C4orf51: variants seen among roughly 807,000 people sequenced by gnomAD.
C4orf51 encodes chromosome 4 open reading frame 51.
Under a neutral mutation model 25.2 loss-of-function variants are expected in C4orf51, and 25 were observed. The ratio of observed to expected loss-of-function variants is 0.99; its 90% confidence interval spans 0.72 to 1.39. C4orf51 has a LOEUF of 1.39. C4orf51 is among the 40% of genes most tolerant of loss of function. The pLI is 0.00. For missense variants in C4orf51, 252 were observed against 239.6 expected (o/e 1.05, Z -0.34); for synonymous variants, 100 against 84.5 (o/e 1.18, Z -1.01).
chr4:145,727,924 A>AT (rs1560851188), intron 3 of C4orf51, among the ~76,000 whole-genome samples: 41 of 93,664 alleles, frequency 4.4e-4, no homozygotes, highest in African/African-American at 4.9e-4. Context: ...TATATATATA[A>AT]AATATATTAT....
Position 145,707,247 on chromosome 4 carries a change from A to G in C4orf51, c.307+10615A>G, listed in dbSNP as rs201127563. ...AGCCACCGCGCCAGGCCCATATAAG[A>G]TACTTTTTTATATAAAATCTCTTCT... On this transcript the variant is annotated intron_variant, in intron 2 of 5. Transcript: ENST00000438731. Among the ~76,000 whole-genome samples, 49 of 152,252 alleles carry G rather than the reference A, an allele frequency of 3.2e-4. No homozygotes were observed. In the East Asian group the frequency reaches 7.7e-3, roughly 24 times the overall value.
intron 2 of C4orf51, among the ~76,000 whole-genome samples, chr4:145,720,447 T>C (rs968382427): frequency 4.6e-5 from 7 of 152,186 alleles, no homozygotes; most frequent in Non-Finnish European, 1.0e-4. Flanking sequence ...AAAGGAGCCC[T>C]AGGTCTTACT....
chr4:145,701,156 A>G (rs1051082821), intron 2 of C4orf51, among the ~76,000 whole-genome samples: 30 of 152,064 alleles, frequency 2.0e-4, no homozygotes, highest in African/African-American at 7.2e-4. Context: ...ATCTGCTCCC[A>G]ACATTAAACT....
chr4:145,750,010 A>G (rs1733586296), intron 1 of C4orf51, among the ~76,000 whole-genome samples: 1 of 152,170 alleles, frequency 6.6e-6, no homozygotes, highest in Non-Finnish European at 1.5e-5. Context: ...GAAAACTAAT[A>G]AAGACTCTAC....
chr4:145,680,605 A>G (rs1157424508), intron 1 of C4orf51, among the ~76,000 whole-genome samples, 169 bp downstream of exon 1: 1 of 152,234 alleles, frequency 6.6e-6, no homozygotes, highest in Non-Finnish European at 1.5e-5. Context: ...TGACCAGCTG[A>G]AATTATGATC....
At chr4:145,701,826 C>G (rs1482569263) in intron 2 of C4orf51, among the ~76,000 whole-genome samples, 2 of 151,948 alleles carry the variant, frequency 1.3e-5, no homozygotes, top group African/African-American at 2.4e-5. Context: ...TTTAGTTATC[C>G]CCACCTGCCC....
At chr4:145,698,886 A>G (rs1186522859) in intron 2 of C4orf51, among the ~76,000 whole-genome samples, 1 of 152,196 alleles carries the variant, frequency 6.6e-6, no homozygotes, top group African/African-American at 2.4e-5. Flanking sequence ...ATACGCCCAG[A>G]TGGCCTGAAG....
chr4:145,740,191 C>A (rs188533952), intron 1 of C4orf51, among the ~76,000 whole-genome samples: 1 of 134,658 alleles, frequency 7.4e-6, no homozygotes, highest in African/African-American at 2.9e-5. Context: ...CTATCTGTAT[C>A]CAGAGAGGGT....
At chr4:145,682,179 A>G (rs1328267231) in intron 1 of C4orf51, among the ~76,000 whole-genome samples, 1 of 152,184 alleles carries the variant, frequency 6.6e-6, no homozygotes, top group Non-Finnish European at 1.5e-5. Context: ...AACACAAAAG[A>G]GCATGAGCTT....
chr4:145,709,541 C>T (rs1427263538), intron 2 of C4orf51, among the ~76,000 whole-genome samples: 2 of 152,214 alleles, frequency 1.3e-5, no homozygotes, highest in East Asian at 3.8e-4. Flanking sequence ...ACATGAATTA[C>T]AGGGAGTATG....
intron 1 of C4orf51, among the ~76,000 whole-genome samples, chr4:145,768,631 A>G (rs1735687230): frequency 6.6e-6 from 1 of 151,402 alleles, no homozygotes; most frequent in South Asian, 2.1e-4. Context: ...CTGTTCTCCA[A>G]TTATCTTCAA....
At chr4:145,759,943 T>C (rs1181782346) in intron 1 of C4orf51, 3 of 152,222 alleles carry the variant, frequency 2.0e-5, no homozygotes, top group Non-Finnish European at 2.9e-5. Context: ...ACTGTGTGTG[T>C]GCACCGTACA....
chr4:145,691,385 A>C (rs1243699439), intron 1 of C4orf51, among the ~76,000 whole-genome samples: 3 of 152,246 alleles, frequency 2.0e-5, no homozygotes, highest in Non-Finnish European at 2.9e-5. Flanking sequence ...AGTAGTTTGG[A>C]GATTTCTCAA....
chr4:145,697,262 A>G (rs1178054934), intron 2 of C4orf51, among the ~76,000 whole-genome samples: 1 of 151,780 alleles, frequency 6.6e-6, no homozygotes, highest in African/African-American at 2.4e-5. Flanking sequence ...ACCATGCCCA[A>G]CTAATTTTTG....
chr4:145,737,504 C>A (rs566726849), downstream of C4orf51, among the ~76,000 whole-genome samples: 1 of 152,276 alleles, frequency 6.6e-6, no homozygotes, highest in Non-Finnish European at 1.5e-5. Flanking sequence ...CTTTTGGATT[C>A]ATTTTTCTTC....
intron 5 of C4orf51, 144 bp downstream of exon 5, chr4:145,730,109 G>C: frequency 3.0e-6 from 2 of 665,082 alleles, no homozygotes; most frequent in Admixed American, 5.0e-5. Flanking sequence ...GTTACAATCA[G>C]GCAAAAAGCG....
rs1734438158 is a variant in C4orf51, at chr4:145,761,179, T to C, written n.167-9809T>C. The C allele has an allele frequency of 7.8e-7, 1 of 1,289,818 alleles. No individual in the cohort carries two copies. The highest frequency in any genetic ancestry group is 1.2e-5 in the South Asian group (1 of 81,022). The allele number at this position is 1,289,818 out of a possible 1,614,324, so 79.9% of individuals were successfully genotyped here. A position where few individuals can be genotyped will look rare whatever the true frequency, so the allele number is the denominator to read the frequency against. ...TGGACACAGGCCCTTCTTGTCCTCCTCGGGGCAGTCCCCACTCTGGTGCTT... is the reference window on the plus strand; with the variant it reads ...TGGACACAGGCCCTTCTTGTCCTCCCCGGGGCAGTCCCCACTCTGGTGCTT... On this transcript the variant is annotated intron_variant and non_coding_transcript_variant, in intron 1 of 1. Coordinates refer to the C4orf51 transcript ENST00000510096. The surrounding 1 kb of genome is among the most constrained non-coding windows in gnomAD (Gnocchi z 6.8).
chr4:145,784,968 C>A, the C4orf51 span, among the ~76,000 whole-genome samples: 5 of 152,194 alleles, frequency 3.3e-5, no homozygotes, highest in Non-Finnish European at 7.3e-5. Context: ...AAATTCCTGG[C>A]TACTCGGTAT....
chr4:145,723,768 C>T (rs1731885907), intron 2 of C4orf51, among the ~76,000 whole-genome samples: 1 of 152,144 alleles, frequency 6.6e-6, no homozygotes, highest in Non-Finnish European at 1.5e-5. Flanking sequence ...TACATAATAG[C>T]AAATTAGGGT....
Sources: gnomAD v4.1 joint callset for allele counts (sites outside exome capture counted in the v4.1 genomes callset) on GRCh38, gnomAD v4.1.1 for gene constraint, Gnocchi (gnomAD v3.1) non-coding constraint, MANE v1.5 for transcripts, NCBI Gene and HGNC (gene_info 2026-07-23, HGNC 2026-07-21) for gene names.